Variants in SH3YL1 observed in about 807,000 individuals in gnomAD.
The protein encoded by SH3YL1 is SH3 and SYLF domain containing 1.
Under a neutral mutation model 45.8 loss-of-function variants are expected in SH3YL1, and 41 were observed. The observed-to-expected ratio is 0.89, with a 90% CI of 0.70 to 1.16. SH3YL1 has a LOEUF of 1.16. SH3YL1 is among the 50% of genes most tolerant of loss of function. SH3YL1 has a pLI of 0.00. For synonymous variants in SH3YL1, 152 were observed against 151.4 expected, an observed-to-expected ratio of 1.00 and a Z score of -0.03; for missense variants, 389 against 409.6, an observed-to-expected ratio of 0.95 and a Z score of 0.43.
intron 4 of SH3YL1, among the ~76,000 whole-genome samples, chr2:243,256 G>A (rs1668624262): frequency 6.6e-6 from 1 of 152,012 alleles, no homozygotes; most frequent in Admixed American, 6.5e-5. Flanking sequence ...ACATTGTACA[G>A]GACAAAAGTC....
chr2:225,694 C>T (rs1189715470), intron 8 of SH3YL1, among the ~76,000 whole-genome samples: 1 of 152,112 alleles, frequency 6.6e-6, no homozygotes, highest in Non-Finnish European at 1.5e-5. Flanking sequence ...GAGCAAGTGA[C>T]GAGATATAAG....
chr2:263,435 C>A (rs36216556), intron 1 of SH3YL1: 404 of 156,452 alleles, frequency 2.6e-3, no homozygotes, highest in Non-Finnish European at 4.4e-3. Context: ...GACCCGTGCT[C>A]GCCGCGACCC....
chr2:231,741 C>T (rs62114501), intron 6 of SH3YL1, among the ~76,000 whole-genome samples: 42,415 of 152,154 alleles, frequency 0.28, 6,491 homozygotes, highest in Non-Finnish European at 0.35. Flanking sequence ...GGCCTGCCAA[C>T]GGGCTCGAAC....
intron 6 of SH3YL1, among the ~76,000 whole-genome samples, chr2:231,995 C>T (rs574331896): frequency 1.6e-3 from 242 of 151,846 alleles, no homozygotes; most frequent in South Asian, 3.1e-3. Context: ...CTGTCTGCCA[C>T]GCGTGGCGAA....
At chr2:236,171 GGCA>G (rs762689848) in intron 4 of SH3YL1, among the ~76,000 whole-genome samples, 1 of 54,336 alleles carries the variant, frequency 1.8e-5, no homozygotes, top group African/African-American at 5.4e-5. Context: ...GGCCAGGGGA[GGCA>G]GCAGCACGGG....
intron 2 of SH3YL1, among the ~76,000 whole-genome samples, chr2:251,210 A>G (rs890104874): frequency 1.3e-5 from 2 of 152,260 alleles, no homozygotes; most frequent in Non-Finnish European, 1.5e-5. Flanking sequence ...CATAGAATGT[A>G]CCAATTATAG....
chr2:261,907 G>A (rs1351028960), intron 1 of SH3YL1, among the ~76,000 whole-genome samples: 9 of 152,094 alleles, frequency 5.9e-5, no homozygotes. Context: ...ACTAAATTTG[G>A]TTTTCCAAGT....
rs141692482 is a variant in SH3YL1 at position 219,482 on chromosome 2, T to C, written c.839-481A>G. On this transcript the variant is annotated intron_variant, in intron 9 of 9. Coordinates refer to ENST00000356150, the MANE Select transcript of SH3YL1 (RefSeq NM_015677.4). ...TCCTCCTTGTGAGGACACAGCCAGATGGCACCATCTCTGAGGCAGAAACCG... is the reference window on the plus strand; with the variant it reads ...TCCTCCTTGTGAGGACACAGCCAGACGGCACCATCTCTGAGGCAGAAACCG... Among the ~76,000 whole-genome samples the C allele has an allele frequency of 5.5e-3, 840 of 152,260 alleles. 10 individuals carry two copies. Among genetic ancestry groups the C allele is most frequent in the African/African-American group, 0.019 (800 of 41,548 alleles).
At chr2:220,093 T>C (rs1014247791) in intron 9 of SH3YL1, among the ~76,000 whole-genome samples, 6 of 151,168 alleles carry the variant, frequency 4.0e-5, no homozygotes, top group Non-Finnish European at 7.4e-5. Flanking sequence ...ATGCTTCATA[T>C]AATTCTGTGC....
At chr2:244,604 A>C (rs1668708499) in intron 4 of SH3YL1, 1 of 152,252 alleles carries the variant, frequency 6.6e-6, no homozygotes. Flanking sequence ...TAAATTATTC[A>C]ACAAATATTG....
chr2:231,667 T>C (rs1454196609), intron 6 of SH3YL1, among the ~76,000 whole-genome samples: 1 of 152,228 alleles, frequency 6.6e-6, no homozygotes, highest in Non-Finnish European at 1.5e-5. Flanking sequence ...TTGGAGGTCC[T>C]GCCATTCATT....
At chr2:234,809 TCA>T (rs1209214106) in intron 4 of SH3YL1, among the ~76,000 whole-genome samples, 2 of 152,168 alleles carry the variant, frequency 1.3e-5, no homozygotes, top group African/African-American at 4.8e-5. Context: ...TCACTATAGG[TCA>T]CAGAAGCTCA....
chr2:246,242 T>C (rs543936601), intron 4 of SH3YL1, among the ~76,000 whole-genome samples: 2 of 152,186 alleles, frequency 1.3e-5, no homozygotes, highest in Admixed American at 1.3e-4. Context: ...TATCAGTCTA[T>C]AAAATGCTTA....
chr2:262,791 A>C (rs887277871), intron 1 of SH3YL1: 2 of 1,014,332 alleles, frequency 2.0e-6, no homozygotes, highest in African/African-American at 1.7e-5. Context: ...GTTTTCCTAA[A>C]CAGAACAAAA....
chr2:219,015 A>G lies in SH3YL1; in HGVS notation c.839-14T>C, dbSNP rs1276772511. The G allele has an allele frequency of 3.1e-6, 5 of 1,599,514 alleles. No homozygotes were observed. Among genetic ancestry groups the G allele is most frequent in the Non-Finnish European group, 4.3e-6 (5 of 1,173,154 alleles). ...GATTCAAATTGCCTGAAACAAGAAA[A>G]AAGTATTCACGTTTATGTTCTTTAA... On this transcript the variant is annotated splice_polypyrimidine_tract_variant and intron_variant, in intron 9 of 9. Transcript: ENST00000356150.
At chr2:236,076 A>G (rs111712181) in intron 4 of SH3YL1, among the ~76,000 whole-genome samples, 58 of 70,850 alleles carry the variant, frequency 8.2e-4, no homozygotes, top group Non-Finnish European at 1.1e-3. Context: ...GGGAGGCAGC[A>G]TGGGCCAGGG....
intron 8 of SH3YL1, 63 bp downstream of exon 8, chr2:229,903 T>A: frequency 1.5e-6 from 2 of 1,304,298 alleles, no homozygotes; most frequent in Non-Finnish European, 2.2e-6. Flanking sequence ...CTTGATTTCT[T>A]AATGATAACA....
At chr2:244,584 G>C (rs1211130286) in intron 4 of SH3YL1, 1 of 151,538 alleles carries the variant, frequency 6.6e-6, no homozygotes, top group Non-Finnish European at 1.5e-5. Context: ...AAGAAAGAAA[G>C]GCAGATAGTT....
intron 4 of SH3YL1, among the ~76,000 whole-genome samples, chr2:246,164 C>T (rs1668798175): frequency 6.7e-6 from 1 of 149,706 alleles, no homozygotes; most frequent in East Asian, 2.0e-4. Flanking sequence ...CATTGCACTC[C>T]AGCCTGGGTA....
Sources: allele counts gnomAD v4.1 joint callset (sites outside exome capture counted in the v4.1 genomes callset), GRCh38; gene constraint gnomAD v4.1.1; transcripts MANE v1.5; gene names NCBI Gene and HGNC (gene_info 2026-07-23, HGNC 2026-07-21).